SEC22A: variants seen among roughly 807,000 people sequenced by gnomAD.
The protein encoded by SEC22A is vesicle-trafficking protein SEC22a.
Under a neutral mutation model 35.3 loss-of-function variants are expected in SEC22A, and 22 were observed. The ratio of observed to expected loss-of-function variants is 0.62; its 90% CI spans 0.45 to 0.89. The LOEUF is 0.89. Ranked by LOEUF, SEC22A falls within the 40% of genes least tolerant of loss-of-function variation. The pLI, the probability that SEC22A is intolerant of heterozygous loss-of-function variation, is 0.00. For missense variants in SEC22A, 354 were observed against 362.5 expected, an observed-to-expected ratio of 0.98 and a Z score of 0.19; for synonymous variants, 119 against 129.5, an observed-to-expected ratio of 0.92 and a Z score of 0.55.
At chr3:123,233,335 G>A (rs112411451) in intron 4 of SEC22A, among the ~76,000 whole-genome samples, 4 of 152,134 alleles carry the variant, frequency 2.6e-5, no homozygotes, top group African/African-American at 4.8e-5. Context: ...AGGAGCAATA[G>A]GCTATACCAT....
At chr3:123,242,680 C>G (rs1937534939) in intron 4 of SEC22A, among the ~76,000 whole-genome samples, 1 of 152,242 alleles carries the variant, frequency 6.6e-6, no homozygotes, top group African/African-American at 2.4e-5. Flanking sequence ...TCAGATAGAC[C>G]TAAGTGCTAA....
chr3:123,273,188 A>T lies in SEC22A; in HGVS notation c.*1466A>T, dbSNP rs143384559. The T allele has an allele frequency of 4.1e-4, 62 of 152,380 alleles. No homozygotes were observed. The highest frequency in any genetic ancestry group is 1.3e-3 in the African/African-American group (56 of 41,586). 9.4% of individuals were successfully genotyped at this position (152,380 alleles called of 1,614,324 possible). ...GTTACTAGGCATATTTATTAAGTAG[A>T]GAAATAGAGGGTAAAAAGTTAGTGA... On this transcript the variant is annotated 3_prime_UTR_variant, in exon 7 of 7. Transcript: ENST00000492595.
chr3:123,223,447 A>G (rs1329581025), intron 2 of SEC22A, 112 bp from the exon 3 acceptor site: 2 of 766,908 alleles, frequency 2.6e-6, no homozygotes, highest in Admixed American at 2.6e-5. Flanking sequence ...AAATGTTAAG[A>G]TCTTCATTGC....
At chr3:123,219,684 A>G (rs973306090) in intron 2 of SEC22A, among the ~76,000 whole-genome samples, 7 of 152,154 alleles carry the variant, frequency 4.6e-5, no homozygotes, top group Admixed American at 2.6e-4. Context: ...TCTTACTACT[A>G]TTTCTCTTCT....
intron 4 of SEC22A, among the ~76,000 whole-genome samples, chr3:123,239,910 T>C (rs549047756): frequency 1.3e-5 from 2 of 152,156 alleles, no homozygotes; most frequent in Non-Finnish European, 2.9e-5. Context: ...TGGTAAGGAA[T>C]GGGTGAGGCA....
At chr3:123,229,616 C>T (rs991110833) in intron 4 of SEC22A, among the ~76,000 whole-genome samples, 2 of 152,176 alleles carry the variant, frequency 1.3e-5, no homozygotes, top group Non-Finnish European at 2.9e-5. Context: ...GTAATCCCAA[C>T]ACTTTGGGAG....
rs778735771 is a variant in SEC22A at position 123,271,827 on chromosome 3, C to T, written c.*105C>T. ...TGTTCCCCACAGAGGAGAAGCTCTG[C>T]TTTCTTTCTCTCCAACTTTCCTTTT... On this transcript the variant is annotated 3_prime_UTR_variant, in exon 7 of 7. Transcript: ENST00000492595. 27 of 911,544 alleles carry T rather than the reference C, an allele frequency of 3.0e-5. No individual in the cohort carries two copies. Among genetic ancestry groups the T allele is most frequent in the Non-Finnish European group, 4.3e-5 (26 of 603,586 alleles). The allele number at this position is 911,544 out of a possible 1,614,324, so 56.5% of individuals were successfully genotyped here.
intron 2 of SEC22A, 73 bp from the exon 3 acceptor site, chr3:123,223,486 A>T: frequency 8.5e-7 from 1 of 1,177,222 alleles, no homozygotes; most frequent in South Asian, 1.3e-5. Flanking sequence ...TGGTGTATAG[A>T]ACCAGTCTTG....
intron 1 of SEC22A, among the ~76,000 whole-genome samples, chr3:123,202,932 C>T (rs1936775371): frequency 6.6e-6 from 1 of 152,044 alleles, no homozygotes; most frequent in Admixed American, 6.6e-5. Context: ...TAAACGGTAC[C>T]TACAATTTCT....
chr3:123,247,182 GAC>G (rs1937574008), intron 5 of SEC22A, among the ~76,000 whole-genome samples: 1 of 152,140 alleles, frequency 6.6e-6, no homozygotes, highest in Non-Finnish European at 1.5e-5. Flanking sequence ...AAGAAACAAA[GAC>G]AATTTGGAGA....
intron 2 of SEC22A, among the ~76,000 whole-genome samples, chr3:123,218,924 G>A (rs148772322): frequency 5.9e-5 from 9 of 152,298 alleles, no homozygotes; most frequent in Non-Finnish European, 8.8e-5. Flanking sequence ...CTCATGGAGT[G>A]TGTATATTAG....
At chr3:123,271,433 T>TA (rs1938155595) in intron 6 of SEC22A, 89 bp from the exon 7 acceptor site, 1 of 1,042,962 alleles carries the variant, frequency 9.6e-7, no homozygotes, top group African/African-American at 1.6e-5. Flanking sequence ...TCTTATATTT[T>TA]ACTCTCTGAC....
chr3:123,256,203 A>T (rs1182165386), intron 5 of SEC22A, among the ~76,000 whole-genome samples: 3 of 152,188 alleles, frequency 2.0e-5, no homozygotes. Flanking sequence ...CTTGGTTGTC[A>T]TAGGCCTTTC....
chr3:123,209,206 C>T lies in SEC22A; in HGVS notation c.-12C>T. On this transcript the variant is annotated 5_prime_UTR_variant, in exon 2 of 7. Transcript: ENST00000492595. The stretch of plus-strand genomic sequence containing the variant: ...TTGTTCATTTTGTTTTAGGTCTTCT[C>T]TGTTGGTTGAAATGTCTATGATTTT... The T allele has an allele frequency of 6.2e-7, 1 of 1,613,142 alleles. No individual in the cohort carries two copies.
At chr3:123,242,761 T>G (rs1407348594) in intron 4 of SEC22A, among the ~76,000 whole-genome samples, 1 of 152,178 alleles carries the variant, frequency 6.6e-6, no homozygotes, top group Non-Finnish European at 1.5e-5. Flanking sequence ...GATGAGAAAG[T>G]TTAGGCACAG....
intron 6 of SEC22A, among the ~76,000 whole-genome samples, chr3:123,268,176 G>GT (rs527819032): frequency 1.3e-5 from 2 of 152,136 alleles, no homozygotes; most frequent in African/African-American, 4.8e-5. Flanking sequence ...GGTCACAGGG[G>GT]TTTTTTGTGT....
intron 4 of SEC22A, among the ~76,000 whole-genome samples, chr3:123,243,430 C>T (rs79575362): frequency 0.021 from 3,215 of 152,156 alleles, 109 homozygotes; most frequent in African/African-American, 0.074. Context: ...CTCCCATTTC[C>T]ATCTCCATCA....
intron 5 of SEC22A, among the ~76,000 whole-genome samples, chr3:123,259,053 G>A (rs1435607779): frequency 6.6e-6 from 1 of 152,104 alleles, no homozygotes; most frequent in Non-Finnish European, 1.5e-5. Context: ...TAGCTTTTCA[G>A]TTTTCACAGT....
intron 4 of SEC22A, among the ~76,000 whole-genome samples, chr3:123,229,787 G>C (rs933293512): frequency 5.9e-5 from 9 of 152,086 alleles, no homozygotes; most frequent in Non-Finnish European, 1.0e-4. Context: ...GCTTGAACCC[G>C]GGAGGCGGAG....
Sources: allele counts gnomAD v4.1 joint callset (sites outside exome capture counted in the v4.1 genomes callset), GRCh38; gene constraint gnomAD v4.1.1; transcripts MANE v1.5; gene names NCBI Gene and HGNC (gene_info 2026-07-23, HGNC 2026-07-21).